Variants in TACR1 observed in about 807,000 individuals in gnomAD.
TACR1 encodes the protein substance-P receptor.
In TACR1, 25 loss-of-function variants were observed where a neutral mutation model predicts 35.8. The ratio of observed to expected loss-of-function variants is 0.70; its 90% CI spans 0.51 to 0.98. The LOEUF (loss-of-function observed/expected upper bound fraction) is 0.98, where lower values mean the gene tolerates loss of function less well. TACR1 is among the 50% of genes least tolerant of loss of function. The pLI, the probability that TACR1 is intolerant of heterozygous loss-of-function variation, is 0.00. For missense variants in TACR1, 478 were observed against 522.9 expected (o/e 0.91, Z 0.84); for synonymous variants, 195 against 206.7 (o/e 0.94, Z 0.48).
intron 2 of TACR1, among the ~76,000 whole-genome samples, chr2:75,072,634 C>T (rs1672904550): frequency 6.6e-6 from 1 of 152,204 alleles, no homozygotes; most frequent in Non-Finnish European, 1.5e-5. Flanking sequence ...TCCAGGGCTT[C>T]CTGGCATCAG....
chr2:75,142,943 G>A (rs1179861248), intron 1 of TACR1, among the ~76,000 whole-genome samples: 1 of 152,232 alleles, frequency 6.6e-6, no homozygotes, highest in Non-Finnish European at 1.5e-5. Context: ...CACAGACACA[G>A]TATAGAGAAC....
At chr2:75,159,639 A>C (rs1674951504) in intron 1 of TACR1, among the ~76,000 whole-genome samples, 1 of 152,224 alleles carries the variant, frequency 6.6e-6, no homozygotes. Flanking sequence ...CAGCAGAGAA[A>C]GGAAAGCTAG....
chr2:75,052,877 A>G (rs923022624), intron 3 of TACR1, among the ~76,000 whole-genome samples: 2 of 152,084 alleles, frequency 1.3e-5, no homozygotes, highest in African/African-American at 4.8e-5. Flanking sequence ...TTTTGAACTA[A>G]TTGAAGGCCC....
At chr2:75,057,365 C>G (rs919775667) in intron 2 of TACR1, among the ~76,000 whole-genome samples, 15 of 152,154 alleles carry the variant, frequency 9.9e-5, no homozygotes, top group African/African-American at 2.9e-4. Flanking sequence ...AATGACCCCA[C>G]CCCTATCTCC....
At chr2:75,167,319 T>C (rs1189667021) in intron 1 of TACR1, among the ~76,000 whole-genome samples, 3 of 152,070 alleles carry the variant, frequency 2.0e-5, no homozygotes, top group Non-Finnish European at 4.4e-5. Flanking sequence ...AACTGGCAAA[T>C]GGGCCCAATA....
intron 2 of TACR1, among the ~76,000 whole-genome samples, chr2:75,080,141 G>A (rs1673055265): frequency 6.6e-6 from 1 of 152,162 alleles, no homozygotes; most frequent in Non-Finnish European, 1.5e-5. Context: ...AAATCTAAAT[G>A]CAACTAGAAC....
rs149791108 is a variant in TACR1 at position 75,171,637 on chromosome 2, G to A, written c.389+26909C>T. ...GGGGACTGTACCCTGCAAAGCCACAGGAGCAGAGCTGCCCAAGACCATGGG... is the reference window on the plus strand; with the variant it reads ...GGGGACTGTACCCTGCAAAGCCACAAGAGCAGAGCTGCCCAAGACCATGGG... On this transcript the variant is annotated intron_variant, in intron 1 of 4. Coordinates refer to ENST00000305249, the MANE Select transcript of TACR1 (RefSeq NM_001058.4). Among the ~76,000 whole-genome samples the A allele has an allele frequency of 5.9e-3, 896 of 152,324 alleles. 8 individuals carry two copies. The highest frequency in any genetic ancestry group is 0.021 in the African/African-American group (875 of 41,582).
intron 1 of TACR1, among the ~76,000 whole-genome samples, chr2:75,176,012 C>CAAA (rs34884122): frequency 0.024 from 2,543 of 108,186 alleles, 29 homozygotes; most frequent in Middle Eastern, 0.055. Flanking sequence ...TTGAGCTGTC[C>CAAA]AAAAAAAAAA....
intron 1 of TACR1, among the ~76,000 whole-genome samples, chr2:75,175,982 T>G (rs563397868): frequency 5.8e-5 from 8 of 137,552 alleles, no homozygotes; most frequent in African/African-American, 1.9e-4. Context: ...CATTACTGAC[T>G]GTAGCATGGC....
intron 2 of TACR1, among the ~76,000 whole-genome samples, chr2:75,098,820 A>C (rs937482309): frequency 2.0e-5 from 3 of 152,056 alleles, no homozygotes; most frequent in Non-Finnish European, 4.4e-5. Flanking sequence ...CAATACTTGA[A>C]ATTTTAGGAA....
At chr2:75,078,981 A>G (rs559240672) in intron 2 of TACR1, among the ~76,000 whole-genome samples, 11 of 152,132 alleles carry the variant, frequency 7.2e-5, no homozygotes, top group Non-Finnish European at 1.5e-4. Context: ...AAGTAAACAT[A>G]CACTCTGGCA....
At chr2:75,068,910 T>G (rs1672821561) in intron 2 of TACR1, among the ~76,000 whole-genome samples, 1 of 152,208 alleles carries the variant, frequency 6.6e-6, no homozygotes, top group Admixed American at 6.5e-5. Flanking sequence ...ATACATACTT[T>G]TTAAAATTAT....
chr2:75,110,174 TCTTCA>T (rs1673723246), intron 2 of TACR1, among the ~76,000 whole-genome samples: 1 of 152,122 alleles, frequency 6.6e-6, no homozygotes, highest in Non-Finnish European at 1.5e-5. Flanking sequence ...GTATCAGATT[TCTTCA>T]CTTAAGTAAA....
intron 1 of TACR1, among the ~76,000 whole-genome samples, chr2:75,177,079 C>A (rs1391159368): frequency 6.6e-6 from 1 of 152,158 alleles, no homozygotes; most frequent in East Asian, 1.9e-4. Flanking sequence ...ACAGTCCACC[C>A]ACCACAGAGC....
Position 75,186,024 on chromosome 2 carries a change from G to A in TACR1, c.389+12522C>T, listed in dbSNP as rs1326098911. On this transcript the variant is annotated intron_variant, in intron 1 of 4. Transcript: ENST00000305249. Reference sequence around the variant, plus strand: ...TAAAATATATCTTTATTATGTAAAAGAAAAATAAAATTGTATATGCTATAG... The same window carrying A: ...TAAAATATATCTTTATTATGTAAAAAAAAAATAAAATTGTATATGCTATAG... Among the ~76,000 whole-genome samples, 4 of 152,092 alleles carry A rather than the reference G, an allele frequency of 2.6e-5. No homozygotes were observed. In the East Asian group the frequency reaches 7.7e-4, roughly 29 times the overall value.
intron 3 of TACR1, among the ~76,000 whole-genome samples, chr2:75,052,856 T>A (rs1245771097): frequency 6.6e-6 from 1 of 152,052 alleles, no homozygotes; most frequent in African/African-American, 2.4e-5. Context: ...TAAATTTTTT[T>A]AAATGTTTCG....
intron 2 of TACR1, among the ~76,000 whole-genome samples, chr2:75,117,204 G>T (rs1341898037): frequency 1.3e-5 from 2 of 151,324 alleles, no homozygotes; most frequent in Non-Finnish European, 1.5e-5. Context: ...TTCTTTTATT[G>T]GATTTCCTGT....
At chr2:75,112,392 C>T (rs1027739462) in intron 2 of TACR1, among the ~76,000 whole-genome samples, 5 of 151,718 alleles carry the variant, frequency 3.3e-5, no homozygotes, top group Admixed American at 1.3e-4. Flanking sequence ...ACTGCCTAAA[C>T]GTACTCTTAG....
chr2:75,194,995 T>A (rs1675930242), intron 1 of TACR1, among the ~76,000 whole-genome samples: 1 of 152,092 alleles, frequency 6.6e-6, no homozygotes, highest in Admixed American at 6.5e-5. Context: ...CAGAGCATCA[T>A]AATAGAACCA....
Sources: gnomAD v4.1 joint callset for allele counts (sites outside exome capture counted in the v4.1 genomes callset) on GRCh38, gnomAD v4.1.1 for gene constraint, MANE v1.5 for transcripts, NCBI Gene and HGNC (gene_info 2026-07-23, HGNC 2026-07-21) for gene names.